SAMD5: variants seen among roughly 807,000 people sequenced by gnomAD.
SAMD5 encodes sterile alpha motif domain-containing protein 5.
In SAMD5, 13 loss-of-function variants were observed where a neutral mutation model predicts 11.3. The ratio of observed to expected loss-of-function variants is 1.15; its 90% CI spans 0.75 to 1.83. The LOEUF is 1.83. Among genes scored for constraint, SAMD5 ranks in the 40% most tolerant of loss-of-function variants. The pLI, the probability that SAMD5 is intolerant of heterozygous loss-of-function variation, is 0.00. For synonymous variants in SAMD5, 129 were observed against 111.3 expected, an observed-to-expected ratio of 1.16 and a Z score of -1.00; for missense variants, 255 against 239.1, an observed-to-expected ratio of 1.07 and a Z score of -0.44.
At chr6:147,831,667 T>C in the SAMD5 span, among the ~76,000 whole-genome samples, 2 of 152,216 alleles carry the variant, frequency 1.3e-5, no homozygotes, top group African/African-American at 4.8e-5. Flanking sequence ...AGGGGAAAAC[T>C]GGTGGATGTT....
chr6:147,932,124 C>T, the SAMD5 span, among the ~76,000 whole-genome samples: 1 of 152,096 alleles, frequency 6.6e-6, no homozygotes, highest in Non-Finnish European at 1.5e-5. Flanking sequence ...CTTGTTTTAT[C>T]ATTATATATA....
chr6:147,597,250 A>T (rs1296672381), intron 1 of SAMD5, among the ~76,000 whole-genome samples: 11 of 152,210 alleles, frequency 7.2e-5, no homozygotes, highest in Non-Finnish European at 1.5e-4. Context: ...CAGCTGTCTG[A>T]TTAATTAATC....
the SAMD5 span, among the ~76,000 whole-genome samples, chr6:147,794,612 G>A: frequency 1.2e-4 from 18 of 152,092 alleles, no homozygotes; most frequent in Admixed American, 1.2e-3. Flanking sequence ...AGATGGTAAA[G>A]TTATGAATAT....
intron 1 of SAMD5, among the ~76,000 whole-genome samples, chr6:147,654,962 C>A (rs1314785591): frequency 3.3e-5 from 5 of 152,046 alleles, no homozygotes; most frequent in Non-Finnish European, 7.4e-5. Context: ...ACAATGAACC[C>A]AAGTGATCAG....
intron 1 of SAMD5, among the ~76,000 whole-genome samples, chr6:147,655,021 G>A (rs1417324006): frequency 6.6e-6 from 1 of 151,842 alleles, no homozygotes; most frequent in Non-Finnish European, 1.5e-5. Flanking sequence ...TCATCATCAA[G>A]GCACCTAGCA....
chr6:147,807,902 G>A, the SAMD5 span, among the ~76,000 whole-genome samples: 1 of 152,204 alleles, frequency 6.6e-6, no homozygotes, highest in South Asian at 2.1e-4. Context: ...CAGACACGTG[G>A]CTTCTGTTAG....
chr6:147,775,547 A>G, the SAMD5 span, among the ~76,000 whole-genome samples: 1 of 152,192 alleles, frequency 6.6e-6, no homozygotes, highest in African/African-American at 2.4e-5. Flanking sequence ...AAATAAATGT[A>G]TATTAATTCA....
At chr6:147,691,841 AT>A (rs145810480) in intron 1 of SAMD5, among the ~76,000 whole-genome samples, 17,377 of 152,250 alleles carry the variant, frequency 0.11, 1,093 homozygotes, top group Middle Eastern at 0.16. Flanking sequence ...CTTTGCAGAT[AT>A]TTAAGTACTA....
chr6:147,835,808 G>A, the SAMD5 span, among the ~76,000 whole-genome samples: 162 of 152,146 alleles, frequency 1.1e-3, 1 homozygote, highest in African/African-American at 1.6e-3. Context: ...AGAAGGACCC[G>A]CATCACCTCC....
intron 1 of SAMD5, among the ~76,000 whole-genome samples, chr6:147,617,129 T>C (rs1248083935): frequency 6.6e-6 from 1 of 152,212 alleles, no homozygotes; most frequent in African/African-American, 2.4e-5. Flanking sequence ...AGGGGTATCA[T>C]ATCCTGGATG....
intron 1 of SAMD5, among the ~76,000 whole-genome samples, chr6:147,631,082 C>T (rs575422805): frequency 2.0e-5 from 3 of 152,064 alleles, no homozygotes; most frequent in South Asian, 4.2e-4. Context: ...CTGCTTCAAG[C>T]GGGATTAGGG....
chr6:147,660,111 A>G (rs1214909497), intron 1 of SAMD5, among the ~76,000 whole-genome samples: 2 of 152,160 alleles, frequency 1.3e-5, no homozygotes, highest in East Asian at 3.9e-4. Context: ...TCTTCTTGAG[A>G]GTCTTGAATT....
the SAMD5 span, among the ~76,000 whole-genome samples, chr6:147,778,303 C>T: frequency 6.6e-6 from 1 of 152,160 alleles, no homozygotes; most frequent in Admixed American, 6.5e-5. Flanking sequence ...GCTTTAAATA[C>T]CATGGACATA....
At chr6:147,626,931 T>G (rs1413970675) in intron 1 of SAMD5, among the ~76,000 whole-genome samples, 2 of 152,298 alleles carry the variant, frequency 1.3e-5, no homozygotes, top group East Asian at 3.9e-4. Context: ...TTGTTGTTAT[T>G]CTATTCCTCT....
At chr6:147,604,013 G>A (rs889928906) in intron 1 of SAMD5, among the ~76,000 whole-genome samples, 1 of 152,128 alleles carries the variant, frequency 6.6e-6, no homozygotes, top group Non-Finnish European at 1.5e-5. Context: ...ATTTCCCATA[G>A]TGGTTGGATT....
At chr6:147,853,930 T>G in the SAMD5 span, among the ~76,000 whole-genome samples, 1 of 152,304 alleles carries the variant, frequency 6.6e-6, no homozygotes, top group African/African-American at 2.4e-5. Flanking sequence ...TTATTGCTTT[T>G]TAAAAAAATC....
At chr6:147,878,330 G>A in the SAMD5 span, among the ~76,000 whole-genome samples, 1 of 151,566 alleles carries the variant, frequency 6.6e-6, no homozygotes, top group African/African-American at 2.4e-5. Context: ...CTTTTATAAG[G>A]ACTGCGTTTC....
intron 1 of SAMD5, among the ~76,000 whole-genome samples, chr6:147,549,041 G>A (rs1206071491): frequency 6.6e-6 from 1 of 152,136 alleles, no homozygotes. Flanking sequence ...GACTGGCAGT[G>A]ATCCTGGAGT....
the SAMD5 span, among the ~76,000 whole-genome samples, chr6:147,838,488 C>A: frequency 6.6e-6 from 1 of 151,150 alleles, no homozygotes; most frequent in Non-Finnish European, 1.5e-5. Flanking sequence ...TATAAATGTC[C>A]ACATAATATT....
Sources: gnomAD v4.1 joint callset for allele counts (sites outside exome capture counted in the v4.1 genomes callset) on GRCh38, gnomAD v4.1.1 for gene constraint, MANE v1.5 for transcripts, NCBI Gene and HGNC (gene_info 2026-07-23, HGNC 2026-07-21) for gene names.